AGBL4: variants seen among roughly 807,000 people sequenced by gnomAD.
AGBL4 encodes the protein cytosolic carboxypeptidase 6.
In AGBL4, 58 loss-of-function variants were observed where a neutral mutation model predicts 66.4. The ratio of observed to expected loss-of-function variants is 0.87; its 90% confidence interval spans 0.71 to 1.09. The LOEUF (loss-of-function observed/expected upper bound fraction) is 1.09, where lower values mean the gene tolerates loss of function less well. AGBL4 is among the 50% of genes least tolerant of loss of function. The pLI is 0.00. For missense variants in AGBL4, 579 were observed against 631.0 expected, an observed-to-expected ratio of 0.92 and a Z score of 0.88; for synonymous variants, 234 against 222.9, an observed-to-expected ratio of 1.05 and a Z score of -0.44.
intron 3 of AGBL4, among the ~76,000 whole-genome samples, chr1:49,649,501 G>A (rs1339988286): frequency 3.3e-5 from 5 of 152,098 alleles, no homozygotes; most frequent in Non-Finnish European, 1.5e-5. Context: ...AGTAGAAACA[G>A]ATTGATCCAC....
At chr1:49,207,551 T>TTTCTTTCTTTCTTTCG (rs1379877070) in intron 4 of AGBL4, among the ~76,000 whole-genome samples, 1 of 117,964 alleles carries the variant, frequency 8.5e-6, no homozygotes, top group African/African-American at 3.6e-5. Context: ...CTTTTCTTTC[T>TTTCTTTCTTTCTTTCG]TTCTTTCTTT....
At chr1:49,953,836 T>C (rs1470975176) in intron 1 of AGBL4, among the ~76,000 whole-genome samples, 2 of 151,958 alleles carry the variant, frequency 1.3e-5, no homozygotes, top group Admixed American at 1.3e-4. Context: ...CAATATTCTT[T>C]CTTATCTCTA....
At chr1:48,628,375 T>C (rs2148406626) in intron 9 of AGBL4, among the ~76,000 whole-genome samples, 1 of 152,324 alleles carries the variant, frequency 6.6e-6, no homozygotes, top group South Asian at 2.1e-4. Context: ...ACTACTCTGA[T>C]TTTCAAGACT....
At chr1:49,849,406 T>TTATTAC (rs1236905596) in intron 2 of AGBL4, among the ~76,000 whole-genome samples, 1 of 119,612 alleles carries the variant, frequency 8.4e-6, no homozygotes, top group Non-Finnish European at 2.1e-5. Context: ...ATTATTATTA[T>TTATTAC]TATTATTATT....
chr1:49,426,598 A>C (rs1442671414), intron 3 of AGBL4, among the ~76,000 whole-genome samples: 2 of 152,198 alleles, frequency 1.3e-5, no homozygotes, highest in Non-Finnish European at 2.9e-5. Flanking sequence ...ATTTCAGTTG[A>C]GCAATAGCTT....
intron 4 of AGBL4, among the ~76,000 whole-genome samples, chr1:49,219,890 C>T (rs191541020): frequency 6.6e-6 from 1 of 152,240 alleles, no homozygotes; most frequent in African/African-American, 2.4e-5. Context: ...TCCTTTGCAA[C>T]CATTTATTTT....
intron 3 of AGBL4, among the ~76,000 whole-genome samples, chr1:49,339,848 C>T (rs1645503771): frequency 6.6e-6 from 1 of 152,202 alleles, no homozygotes; most frequent in Non-Finnish European, 1.5e-5. Context: ...CACTCCCTCA[C>T]TTACTGTGGA....
chr1:48,608,042 G>A (rs1415080016), intron 9 of AGBL4, among the ~76,000 whole-genome samples: 2 of 152,176 alleles, frequency 1.3e-5, no homozygotes, highest in African/African-American at 4.8e-5. Context: ...TGCTTCTGAA[G>A]GGGCATTTCA....
chr1:49,003,630 C>T (rs1661560220), intron 5 of AGBL4, among the ~76,000 whole-genome samples: 1 of 152,026 alleles, frequency 6.6e-6, no homozygotes. Context: ...ATCAATGATC[C>T]TTTCACAGCA....
intron 3 of AGBL4, among the ~76,000 whole-genome samples, chr1:49,621,613 G>A (rs1645361340): frequency 6.6e-6 from 1 of 152,168 alleles, no homozygotes; most frequent in African/African-American, 2.4e-5. Context: ...ATTAGCACAG[G>A]TCTTTGAATA....
intron 2 of AGBL4, among the ~76,000 whole-genome samples, chr1:49,851,046 T>C (rs1646289952): frequency 6.6e-6 from 1 of 152,146 alleles, no homozygotes; most frequent in South Asian, 2.1e-4. Flanking sequence ...ACTGTAAGCA[T>C]GTCATACAGA....
intron 3 of AGBL4, among the ~76,000 whole-genome samples, chr1:49,484,837 A>G (rs542044743): frequency 6.6e-6 from 1 of 152,206 alleles, no homozygotes; most frequent in Admixed American, 6.5e-5. Context: ...ATTGCAGGCC[A>G]GTATCAAAAC....
intron 6 of AGBL4, among the ~76,000 whole-genome samples, chr1:48,711,112 C>A (rs1346474098): frequency 6.6e-6 from 1 of 152,188 alleles, no homozygotes; most frequent in African/African-American, 2.4e-5. Flanking sequence ...AGGTGATCCA[C>A]CTCCAGGTCC....
chr1:49,054,133 T>G (rs1231639309), intron 4 of AGBL4, among the ~76,000 whole-genome samples: 1 of 152,102 alleles, frequency 6.6e-6, no homozygotes, highest in Non-Finnish European at 1.5e-5. Flanking sequence ...AAAATAATTT[T>G]GATCATTACC....
intron 2 of AGBL4, among the ~76,000 whole-genome samples, chr1:49,796,675 T>C (rs1317846784): frequency 6.6e-6 from 1 of 151,694 alleles, no homozygotes; most frequent in South Asian, 2.1e-4. Flanking sequence ...CTTTTTTCTA[T>C]AAATTAAAAA....
At chr1:49,456,355 G>T (rs1004901679) in intron 3 of AGBL4, among the ~76,000 whole-genome samples, 2 of 151,658 alleles carry the variant, frequency 1.3e-5, no homozygotes, top group Non-Finnish European at 3.0e-5. Flanking sequence ...ATGAATCATT[G>T]TATGCACGAA....
chr1:49,172,668 G>A (rs890398159), intron 4 of AGBL4, among the ~76,000 whole-genome samples: 2 of 152,040 alleles, frequency 1.3e-5, no homozygotes, highest in Non-Finnish European at 2.9e-5. Flanking sequence ...TTTAGATGAA[G>A]CACAGGGTAC....
rs191514939 is a variant in AGBL4, at chr1:49,213,501, C to G, written c.377+32269G>C. Among the ~76,000 whole-genome samples, 657 of 152,042 alleles carry G rather than the reference C, an allele frequency of 4.3e-3. 4 individuals carry two copies. The highest frequency in any genetic ancestry group is 0.014 in the Admixed American group (209 of 15,248). On this transcript the variant is annotated intron_variant, in intron 4 of 13. Transcript: ENST00000371839. ...GTTTGAAAGTGTGTGACACCTCCCCCCACCCTTGCTCCTATTTCCGCCATG... is the reference window on the plus strand; with the variant it reads ...GTTTGAAAGTGTGTGACACCTCCCCGCACCCTTGCTCCTATTTCCGCCATG...
At chr1:48,866,066 T>C (rs916362538) in intron 6 of AGBL4, among the ~76,000 whole-genome samples, 1 of 152,204 alleles carries the variant, frequency 6.6e-6, no homozygotes, top group East Asian at 1.9e-4. Flanking sequence ...CTGTCAGGTA[T>C]AGAACTATAG....
Sources: allele counts gnomAD v4.1 joint callset (sites outside exome capture counted in the v4.1 genomes callset), GRCh38; gene constraint gnomAD v4.1.1; transcripts MANE v1.5; gene names NCBI Gene and HGNC (gene_info 2026-07-23, HGNC 2026-07-21).